Variants in IGFBP3 observed in about 807,000 individuals in gnomAD.
The protein encoded by IGFBP3 is insulin like growth factor binding protein 3.
A neutral mutation model predicts 28.6 loss-of-function variants in IGFBP3; 9 were observed. The ratio of observed to expected loss-of-function variants is 0.31; its 90% confidence interval spans 0.19 to 0.55. The LOEUF (loss-of-function observed/expected upper bound fraction) is 0.55, where lower values mean the gene tolerates loss of function less well. IGFBP3 is among the 20% of genes least tolerant of loss of function. The pLI is 0.93. For missense variants in IGFBP3, 382 were observed against 428.9 expected (o/e 0.89, Z 0.97); for synonymous variants, 185 against 188.2 (o/e 0.98, Z 0.14).
intron 3 of IGFBP3, 100 bp downstream of exon 3, chr7:45,916,446 TCA>T: frequency 2.4e-6 from 3 of 1,231,704 alleles, no homozygotes; most frequent in Non-Finnish European, 2.3e-6. Flanking sequence ...CTGCACAGGC[TCA>T]GAGTTAGAGC....
At chr7:45,917,603 A>C (rs191481276) in intron 1 of IGFBP3, among the ~76,000 whole-genome samples, 164 bp from the exon 2 acceptor site, 2 of 152,140 alleles carry the variant, frequency 1.3e-5, no homozygotes, top group Admixed American at 1.3e-4. Flanking sequence ...TTATTCCATC[A>C]TACTACTCAC....
intron 4 of IGFBP3, 79 bp downstream of exon 4, chr7:45,914,726 G>T: frequency 6.9e-7 from 1 of 1,440,192 alleles, no homozygotes; most frequent in Non-Finnish European, 9.5e-7. Flanking sequence ...GGAAGGGCCA[G>T]TGGCCACGCC....
At chr7:45,917,779 C>T (rs2116579650) in intron 1 of IGFBP3, among the ~76,000 whole-genome samples, 1 of 152,290 alleles carries the variant, frequency 6.6e-6, no homozygotes, top group South Asian at 2.1e-4. Context: ...AGACCTGAGC[C>T]ACGGGAGGCT....
At chr7:45,914,670 T>C in intron 4 of IGFBP3, 135 bp downstream of exon 4, 1 of 777,478 alleles carries the variant, frequency 1.3e-6, no homozygotes, top group East Asian at 2.7e-5. Flanking sequence ...CTATTTGCTT[T>C]GCTCTTTCTG....
intron 4 of IGFBP3, 99 bp downstream of exon 4, chr7:45,914,706 G>A: frequency 8.3e-7 from 1 of 1,210,906 alleles, no homozygotes; most frequent in South Asian, 1.4e-5. Context: ...TCCTGGGTCT[G>A]TAAGCCTGGG....
Position 45,920,872 on chromosome 7 carries a change from G to T in IGFBP3, c.269C>A (p.Ser90Tyr). ...GGGCGACGGCTGGCAGCGAAGGCCG[G>T]AGCCACAGCGCTCGGTGTAGATGCC... Reference protein sequence around the residue: ...PCGIYTERCGSGLRCQPSPDE... With the variant: ...PCGIYTERCGYGLRCQPSPDE... Residue 90 changes from serine (S) to tyrosine (Y), a missense_variant, in exon 1 of 5, where the codon TCC becomes TAC. Transcript: ENST00000613132. 3.5e-6 allele frequency: 5 copies of T among 1,426,724 alleles called. No homozygotes were observed. The highest frequency in any genetic ancestry group is 4.6e-6 in the Non-Finnish European group (5 of 1,097,672). The allele number at this position is 1,426,724 out of a possible 1,614,324, so 88.4% of individuals were successfully genotyped here.
intron 1 of IGFBP3, 140 bp downstream of exon 1, chr7:45,920,598 G>T: frequency 1.2e-6 from 1 of 853,300 alleles, no homozygotes; most frequent in Non-Finnish European, 1.6e-6. Context: ...ACCTTTCCCG[G>T]AGCGCCTTCA....
At chr7:45,919,398 C>G (rs368911672) in intron 1 of IGFBP3, among the ~76,000 whole-genome samples, 5 of 152,314 alleles carry the variant, frequency 3.3e-5, no homozygotes, top group South Asian at 2.1e-4. Context: ...AACTTTGCCC[C>G]GAGAGACAAA....
At chr7:45,918,778 G>C (rs1369924746) in intron 1 of IGFBP3, among the ~76,000 whole-genome samples, 1 of 152,172 alleles carries the variant, frequency 6.6e-6, no homozygotes, top group Non-Finnish European at 1.5e-5. Flanking sequence ...CCTTAGGAAA[G>C]TCCCTCTCCT....
chr7:45,914,822 AC>A lies in IGFBP3; in HGVS notation c.873del (p.Lys291AsnfsTer8). On this transcript the variant is annotated frameshift_variant, in exon 4 of 5. Coordinates refer to ENST00000613132, the MANE Select transcript of IGFBP3 (RefSeq NM_000598.5). LOFTEE classifies it high-confidence loss of function. ...EDVHCYSMQS[K>X] ...GTACTCACCCTTGCGGCAGGCGTCT[AC>A]TTGCTCTGCATGCTGTAGCAGTGCA... The A allele has an allele frequency of 6.2e-7, 1 of 1,613,916 alleles. No individual in the cohort carries two copies.
chr7:45,915,428 C>T (rs893979794), intron 3 of IGFBP3: 2 of 170,276 alleles, frequency 1.2e-5, no homozygotes, highest in Admixed American at 1.2e-4. Context: ...ACTGTGGCCA[C>T]TACTATGAAT....
chr7:45,916,441 C>T, intron 3 of IGFBP3, 107 bp downstream of exon 3: 3 of 1,168,052 alleles, frequency 2.6e-6, no homozygotes, highest in African/African-American at 1.5e-5. Context: ...TGGTGCTGCA[C>T]AGGCTCAGAG....
chr7:45,918,440 G>T (rs1784642346), intron 1 of IGFBP3, among the ~76,000 whole-genome samples: 2 of 152,244 alleles, frequency 1.3e-5, no homozygotes, highest in South Asian at 4.1e-4. Flanking sequence ...TGGATCTGCA[G>T]CCAGGATTCT....
chr7:45,916,430 C>T (rs1443731661), intron 3 of IGFBP3, 118 bp downstream of exon 3: 4 of 990,918 alleles, frequency 4.0e-6, no homozygotes, highest in Non-Finnish European at 5.9e-6. Context: ...GTCCTGGGCA[C>T]TGGTGCTGCA....
At position 45,917,413 on chromosome 7, in the gene IGFBP3, G is replaced by A. The variant is rs1233848983; in HGVS notation, c.430C>T (p.Arg144Cys). The A allele has an allele frequency of 6.2e-7, 1 of 1,613,184 alleles. No homozygotes were observed. The highest frequency in any genetic ancestry group is 8.5e-7 in the Non-Finnish European group (1 of 1,179,604). Reference protein sequence around the residue: ...PGNASESEEDRSAGSVESPSV... With the variant: ...PGNASESEEDCSAGSVESPSV... The stretch of plus-strand genomic sequence containing the variant: ...GGGCTCTCCACACTGCCGGCGCTGC[G>A]GTCTTCCTCCGACTCACTAGCATTT... Residue 144 changes from arginine to cysteine, a missense_variant, in exon 2 of 5, where the codon CGC becomes TGC. Coordinates refer to ENST00000613132, the MANE Select transcript of IGFBP3 (RefSeq NM_000598.5).
Position 45,921,131 on chromosome 7 carries a change from C to T in IGFBP3, c.10G>A (p.Ala4Thr). 6.7e-7 allele frequency: 1 copy of T among 1,500,342 alleles called. No homozygotes were observed. The highest frequency in any genetic ancestry group is 8.8e-7 in the Non-Finnish European group (1 of 1,130,420). The allele number at this position is 1,500,342 out of a possible 1,614,324, so 92.9% of individuals were successfully genotyped here. MQRARPTLWAAALT... is the reference protein window; with the variant it reads MQRTRPTLWAAALT... ...GCAGCGGCCCAGAGCGTGGGTCGCG[C>T]CCGCTGCATGACGCCTGCAACCGGG... The change falls in exon 1 of 5, where the codon GCG becomes ACG. Residue 4 changes from alanine to threonine, a missense_variant. Physicochemically the swap from Ala to Thr is moderately conservative, Grantham distance 58. Transcript: ENST00000613132.
rs1784568277 is a variant in IGFBP3 at position 45,913,353 on chromosome 7, C to T, written c.*497G>A. 1.3e-5 allele frequency: 2 copies of T among 152,398 alleles called. No homozygotes were observed. The highest frequency in any genetic ancestry group is 4.1e-4 in the South Asian group (2 of 4,828). 9.4% of individuals were successfully genotyped at this position (152,398 alleles called of 1,614,324 possible). A position where few individuals can be genotyped will look rare whatever the true frequency, so the allele number is the denominator to read the frequency against. On this transcript the variant is annotated 3_prime_UTR_variant, in exon 5 of 5. Coordinates refer to ENST00000613132, the MANE Select transcript of IGFBP3 (RefSeq NM_000598.5). ...CCACGCCCTTGTTTCAGAAATGACA[C>T]CACAGAAGGCTGTGAGCTCCAGGAG...
Position 45,917,330 on chromosome 7 carries a change from C to T in IGFBP3, c.513G>A (p.Lys171=), listed in dbSNP as rs1407569012. The T allele has an allele frequency of 6.2e-7, 1 of 1,614,008 alleles. No homozygotes were observed. The highest frequency in any genetic ancestry group is 1.3e-5 in the African/African-American group (1 of 74,904). The change falls in exon 2 of 5, where the codon AAG becomes AAA. Residue 171 remains lysine, a synonymous_variant. Coordinates refer to ENST00000613132, the MANE Select transcript of IGFBP3 (RefSeq NM_000598.5). ...SDPKFHPLHS[K]IIIIKKGHAK... is the part of the protein sequence containing the mutation. ...CATGCCCTTTCTTGATGATGATTATCTTTGAATGGAGGGGGTGGAACTTGG... is the reference window on the plus strand; with the variant it reads ...CATGCCCTTTCTTGATGATGATTATTTTTGAATGGAGGGGGTGGAACTTGG...
In IGFBP3 at chr7:45,915,650, C is replaced by T. The variant is rs549670827; in HGVS notation, c.751-705G>A. Among the ~76,000 whole-genome samples, 468 of 100,104 alleles carry T rather than the reference C, an allele frequency of 4.7e-3. 2 individuals are homozygous for T. Among genetic ancestry groups the T allele is most frequent in the African/African-American group, 0.018 (446 of 25,142 alleles). 65.7% of individuals were successfully genotyped at this position (100,104 alleles called of 152,430 possible). On this transcript the variant is annotated intron_variant, in intron 3 of 4. Transcript: ENST00000613132. ...TTTTCAGGTTAATTGGGATTTTAGG[C>T]ATATGACTACATTTGGGGCTGATGT...
Sources: gnomAD v4.1 joint callset for allele counts (sites outside exome capture counted in the v4.1 genomes callset) on GRCh38, gnomAD v4.1.1 for gene constraint, MANE v1.5 for transcripts, NCBI Gene and HGNC (gene_info 2026-07-23, HGNC 2026-07-21) for gene names.